PCSK2: variants seen among roughly 807,000 people sequenced by gnomAD.
PCSK2 encodes the protein neuroendocrine convertase 2.
Under a neutral mutation model 69.7 loss-of-function variants are expected in PCSK2, and 14 were observed. That is an observed-to-expected ratio of 0.20 (90% CI 0.13 to 0.31). The LOEUF (loss-of-function observed/expected upper bound fraction) is 0.31, where lower values mean the gene tolerates loss of function less well. Ranked by LOEUF, PCSK2 falls within the 10% of genes least tolerant of loss-of-function variation. The probability of loss-of-function intolerance (pLI) is 1.00; values close to 1 mark genes in which losing one functional copy is unlikely to be tolerated. For missense variants in PCSK2, 544 were observed against 842.5 expected (o/e 0.65, Z 4.39); for synonymous variants, 307 against 320.7 (o/e 0.96, Z 0.46).
chr20:17,343,296 GT>G (rs1568610373), intron 2 of PCSK2, among the ~76,000 whole-genome samples: 1 of 152,198 alleles, frequency 6.6e-6, no homozygotes, highest in Non-Finnish European at 1.5e-5. Context: ...CATCTTAAAT[GT>G]TTGTGGAAAT....
At chr20:17,375,565 G>T (rs2123241996) in intron 5 of PCSK2, among the ~76,000 whole-genome samples, 1 of 152,272 alleles carries the variant, frequency 6.6e-6, no homozygotes, top group African/African-American at 2.4e-5. Flanking sequence ...TCCCTAAGGT[G>T]GGCAAAGGGA....
At chr20:17,388,736 G>A (rs1323048609) in intron 5 of PCSK2, among the ~76,000 whole-genome samples, 1 of 152,116 alleles carries the variant, frequency 6.6e-6, no homozygotes, top group Non-Finnish European at 1.5e-5. Flanking sequence ...GACCCACAGA[G>A]AGCGCTGAAT....
chr20:17,375,882 T>A (rs2030910667), intron 5 of PCSK2, among the ~76,000 whole-genome samples: 1 of 152,232 alleles, frequency 6.6e-6, no homozygotes, highest in Admixed American at 6.5e-5. Context: ...GCTTCTGCCA[T>A]GGGACTCTGT....
chr20:17,397,295 T>C (rs1441059855), intron 5 of PCSK2, among the ~76,000 whole-genome samples: 1 of 152,180 alleles, frequency 6.6e-6, no homozygotes, highest in Non-Finnish European at 1.5e-5. Context: ...TTGTCTGTAA[T>C]TGGGTGTGTT....
At chr20:17,359,633 T>C (rs957871208) in intron 3 of PCSK2, among the ~76,000 whole-genome samples, 2 of 152,264 alleles carry the variant, frequency 1.3e-5, no homozygotes, top group Non-Finnish European at 2.9e-5. Flanking sequence ...TCCGCCATTC[T>C]AACTTCAGAG....
intron 5 of PCSK2, among the ~76,000 whole-genome samples, chr20:17,378,413 A>G (rs2030990521): frequency 1.3e-5 from 2 of 152,154 alleles, no homozygotes; most frequent in African/African-American, 4.8e-5. Flanking sequence ...CTTACCCCAA[A>G]TTCCCTAAAG....
chr20:17,297,280 A>G lies in PCSK2; in HGVS notation c.282+36936A>G, dbSNP rs79187464. Among the ~76,000 whole-genome samples the G allele has an allele frequency of 5.0e-3, 767 of 152,332 alleles. 6 individuals are homozygous for G. The highest frequency in any genetic ancestry group is 0.023 in the East Asian group (120 of 5,184). On this transcript the variant is annotated intron_variant, in intron 2 of 11. Coordinates refer to ENST00000262545, the MANE Select transcript of PCSK2 (RefSeq NM_002594.5). Reference sequence around the variant, plus strand: ...GTCCAGATCCTGTTGGGTCTTGTAAACCATGGCAGTAAGCTTGCATTTCCT... The same window carrying G: ...GTCCAGATCCTGTTGGGTCTTGTAAGCCATGGCAGTAAGCTTGCATTTCCT...
chr20:17,465,279 C>A, intron 10 of PCSK2, 47 bp from the exon 11 acceptor site: 2 of 1,312,984 alleles, frequency 1.5e-6, no homozygotes, highest in Non-Finnish European at 2.2e-6. Flanking sequence ...CCCTCTCTCA[C>A]CCTGCCTTTT....
rs994359611 is a variant in PCSK2 at position 17,453,021 on chromosome 20, A to G, written c.886-721A>G. ...TTCACTGTGTGTTTTACTTGATCATATTAGACTTTCCTCCTACATTTGGAG... is the reference window on the plus strand; with the variant it reads ...TTCACTGTGTGTTTTACTTGATCATGTTAGACTTTCCTCCTACATTTGGAG... On this transcript the variant is annotated intron_variant, in intron 8 of 11. Transcript: ENST00000262545. This position sits in a 1 kb window ranked among gnomAD's most constrained non-coding sequence, Gnocchi z 4.0. Among the ~76,000 whole-genome samples, 1 of 152,200 alleles carries G rather than the reference A, an allele frequency of 6.6e-6. No homozygotes were observed. The highest frequency in any genetic ancestry group is 1.5e-5 in the Non-Finnish European group (1 of 68,028).
Position 17,482,202 on chromosome 20 carries a change from CT to C in PCSK2, c.*133del. ...TCCGTCTTCTTAATCTGAAGCTTCA[CT>C]CACTGTCAATGATTATTTTCATTAC... On this transcript the variant is annotated 3_prime_UTR_variant, in exon 12 of 12. Transcript: ENST00000262545. 2.6e-6 allele frequency: 2 copies of C among 771,360 alleles called. No individual in the cohort carries two copies. The highest frequency in any genetic ancestry group is 4.0e-6 in the Non-Finnish European group (2 of 501,368). 47.8% of individuals were successfully genotyped at this position (771,360 alleles called of 1,614,324 possible).
chr20:17,354,511 A>G (rs905836478), intron 2 of PCSK2, among the ~76,000 whole-genome samples: 2 of 152,214 alleles, frequency 1.3e-5, no homozygotes, highest in South Asian at 4.1e-4. Flanking sequence ...GGGCTTTATC[A>G]TACATGGAAT....
intron 6 of PCSK2, among the ~76,000 whole-genome samples, chr20:17,428,017 G>A (rs2032283599): frequency 6.6e-6 from 1 of 152,178 alleles, no homozygotes; most frequent in Non-Finnish European, 1.5e-5. Context: ...CTTGGTGTTA[G>A]GAACAATCGT....
At position 17,248,175 on chromosome 20, in the gene PCSK2, GGTGTGTGTGTGTGT is replaced by G. The variant is rs10640964; in HGVS notation, c.178-12038_178-12025del. Among the ~76,000 whole-genome samples, 106 of 144,478 alleles carry G rather than the reference GGTGTGTGTGTGTGT, an allele frequency of 7.3e-4. 1 individual carries two copies. The highest frequency in any genetic ancestry group is 4.3e-3 in the South Asian group (19 of 4,426). The allele number at this position is 144,478 out of a possible 152,430, so 94.8% of individuals were successfully genotyped here. ...AGAACAAAGTGATGATATAAAAAAG[GGTGTGTGTGTGTGT>G]GTGTGTGTGTGTGTGTGTGTGTGTG... On this transcript the variant is annotated intron_variant, in intron 1 of 11. Transcript: ENST00000262545.
chr20:17,244,234 T>C (rs561952697), intron 1 of PCSK2, among the ~76,000 whole-genome samples: 1 of 152,224 alleles, frequency 6.6e-6, no homozygotes, highest in Non-Finnish European at 1.5e-5. Context: ...TCACTATTCT[T>C]GCAACTTTTC....
upstream of PCSK2, among the ~76,000 whole-genome samples, chr20:17,226,833 AG>A (rs1985922451): frequency 1.2e-5 from 1 of 81,946 alleles, no homozygotes. Flanking sequence ...CGCCCCCAGA[AG>A]GCGGAGGCGG....
chr20:17,301,260 T>C (rs1989073103), intron 2 of PCSK2, among the ~76,000 whole-genome samples: 1 of 152,144 alleles, frequency 6.6e-6, no homozygotes. Flanking sequence ...TCTCATCATT[T>C]TGGTGGAGGA....
intron 11 of PCSK2, among the ~76,000 whole-genome samples, chr20:17,477,037 G>A (rs753898985): frequency 7.2e-5 from 11 of 152,152 alleles, no homozygotes; most frequent in Non-Finnish European, 1.2e-4. Context: ...CCATGAAACC[G>A]TTTAAGTCTA....
chr20:17,379,417 C>T (rs2031025923), intron 5 of PCSK2, among the ~76,000 whole-genome samples: 1 of 152,208 alleles, frequency 6.6e-6, no homozygotes, highest in Non-Finnish European at 1.5e-5. Flanking sequence ...GACCAAGAAA[C>T]AATGCCCAGG....
intron 2 of PCSK2, among the ~76,000 whole-genome samples, chr20:17,282,962 G>A (rs1175872193): frequency 2.0e-5 from 3 of 152,110 alleles, no homozygotes; most frequent in Non-Finnish European, 2.9e-5. Flanking sequence ...TCATGGCCTT[G>A]TATAAAGAAT....
Sources: gnomAD v4.1 joint callset for allele counts (sites outside exome capture counted in the v4.1 genomes callset) on GRCh38, gnomAD v4.1.1 for gene constraint, Gnocchi (gnomAD v3.1) non-coding constraint, MANE v1.5 for transcripts, NCBI Gene and HGNC (gene_info 2026-07-23, HGNC 2026-07-21) for gene names.